RSRP1: variants seen among roughly 807,000 people sequenced by gnomAD.
RSRP1 encodes arginine and serine rich protein 1.
Under a neutral mutation model 33.0 loss-of-function variants are expected in RSRP1, and 37 were observed. That is an observed-to-expected ratio of 1.12 (90% CI 0.86 to 1.48). RSRP1 has a LOEUF of 1.48. RSRP1 is among the 40% of genes most tolerant of loss of function. The pLI, the probability that RSRP1 is intolerant of heterozygous loss-of-function variation, is 0.00. For synonymous variants in RSRP1, 167 were observed against 158.7 expected, an observed-to-expected ratio of 1.05 and a Z score of -0.40; for missense variants, 402 against 385.3, an observed-to-expected ratio of 1.04 and a Z score of -0.36.
chr1:25,260,829 G>A (rs1440366382), intron 1 of RSRP1, among the ~76,000 whole-genome samples: 7 of 147,412 alleles, frequency 4.7e-5, no homozygotes, highest in African/African-American at 1.8e-4. Flanking sequence ...ACAGAGTCTC[G>A]CTCTATCGCC....
At chr1:25,260,496 A>T (rs1217302100) in intron 1 of RSRP1, among the ~76,000 whole-genome samples, 4 of 152,154 alleles carry the variant, frequency 2.6e-5, no homozygotes, top group African/African-American at 9.7e-5. Context: ...AACACAGGGG[A>T]AGGAGGCTGT....
At chr1:25,252,771 G>A (rs1473353096) in intron 1 of RSRP1, among the ~76,000 whole-genome samples, 1 of 152,026 alleles carries the variant, frequency 6.6e-6, no homozygotes, top group African/African-American at 2.4e-5. Flanking sequence ...CTGACCTCAG[G>A]TGATCCGCCC....
rs368373936 is a variant in RSRP1 at position 25,333,615 on chromosome 1, T to C, written c.-67+4363A>G. On this transcript the variant is annotated intron_variant, in intron 1 of 1. Coordinates refer to the RSRP1 transcript ENST00000561867. ...GCTAGAGCATGAGGATCTCGTAGGA[T>C]TTTATTCTGCAAGGTGAAAAGCCAT... Among the ~76,000 whole-genome samples the C allele has an allele frequency of 9.1e-5, 12 of 131,268 alleles. 2 individuals are homozygous for C. Among genetic ancestry groups the C allele is most frequent in the South Asian group, 2.3e-4 (1 of 4,326 alleles). 86.1% of individuals were successfully genotyped at this position (131,268 alleles called of 152,430 possible). A position where few individuals can be genotyped will look rare whatever the true frequency, so the allele number is the denominator to read the frequency against.
At chr1:25,260,189 T>C (rs1640087389) in intron 1 of RSRP1, among the ~76,000 whole-genome samples, 1 of 152,226 alleles carries the variant, frequency 6.6e-6, no homozygotes, top group Non-Finnish European at 1.5e-5. Context: ...TGGTTGCTAC[T>C]ATGGGGAATC....
Position 25,276,267 on chromosome 1 carries a change from T to C in RSRP1, c.-66-29238A>G, listed in dbSNP as rs1278217300. Among the ~76,000 whole-genome samples the C allele has an allele frequency of 1.3e-4, 17 of 130,352 alleles. 2 individuals are homozygous for C. Among genetic ancestry groups the C allele is most frequent in the African/African-American group, 4.5e-4 (17 of 38,014 alleles). The allele number at this position is 130,352 out of a possible 152,430, so 85.5% of individuals were successfully genotyped here. A position where few individuals can be genotyped will look rare whatever the true frequency, so the allele number is the denominator to read the frequency against. On this transcript the variant is annotated intron_variant, in intron 1 of 1. Transcript: ENST00000561867. ...TGGCATGATATCTGGGGTTTGCTTT[T>C]ATGCCAGAAAAAAGAAAAAGTACAG...
intron 1 of RSRP1, among the ~76,000 whole-genome samples, chr1:25,315,596 AC>A (rs1644398376): frequency 8.1e-6 from 1 of 123,112 alleles, no homozygotes; most frequent in Non-Finnish European, 1.9e-5. Context: ...TCCCAGGTTC[AC>A]GCCGTTCTCC....
chr1:25,301,704 C>T, intron 1 of RSRP1: 1 of 1,374,732 alleles, frequency 7.3e-7, no homozygotes, highest in Non-Finnish European at 1.0e-6. Context: ...GGGCGCTGCC[C>T]TTGGGCAGCA....
intron 1 of RSRP1, chr1:25,303,487 T>C: frequency 7.3e-7 from 1 of 1,378,112 alleles, no homozygotes; most frequent in Non-Finnish European, 1.0e-6. Flanking sequence ...TAACCTCCTC[T>C]GCTTTGGCTG....
In RSRP1 at chr1:25,262,191, T is replaced by A. The variant is rs2011835; in HGVS notation, c.-66-15162A>T. Among the ~76,000 whole-genome samples, 706 of 152,300 alleles carry A rather than the reference T, an allele frequency of 4.6e-3. 2 individuals carry two copies. The highest frequency in any genetic ancestry group is 0.016 in the African/African-American group (665 of 41,548). On this transcript the variant is annotated intron_variant, in intron 1 of 1. Transcript: ENST00000561867. Reference sequence around the variant, plus strand: ...TAGTCTGACTAAACCATTAGAAATTTAAAAAATGGCTACTTTCAAAGACAT... The same window carrying A: ...TAGTCTGACTAAACCATTAGAAATTAAAAAAATGGCTACTTTCAAAGACAT...
At chr1:25,331,968 C>T (rs1317622430) in intron 1 of RSRP1, among the ~76,000 whole-genome samples, 5 of 127,078 alleles carry the variant, frequency 3.9e-5, no homozygotes, top group African/African-American at 1.3e-4. Flanking sequence ...TCTCAATCTC[C>T]TGACCTCGTG....
In RSRP1 at chr1:25,275,830, T is replaced by G. The variant is rs2124589549; in HGVS notation, c.-66-28801A>C. On this transcript the variant is annotated intron_variant, in intron 1 of 1. Transcript: ENST00000561867. ...GATTGACTTGTCAGATCTGATTAGA[T>G]CAACATGTTTTAAATCTCGAATGTG... Among the ~76,000 whole-genome samples the G allele has an allele frequency of 1.5e-5, 2 of 132,478 alleles. 1 individual carries two copies. Among genetic ancestry groups the G allele is most frequent in the South Asian group, 4.6e-4 (2 of 4,322 alleles). 86.9% of individuals were successfully genotyped at this position (132,478 alleles called of 152,430 possible).
chr1:25,324,746 TA>T (rs1303782657), intron 1 of RSRP1, among the ~76,000 whole-genome samples: 1 of 149,376 alleles, frequency 6.7e-6, no homozygotes, highest in Non-Finnish European at 1.5e-5. Context: ...CAGCCCTGCA[TA>T]AAAGTAAGTA....
intron 1 of RSRP1, among the ~76,000 whole-genome samples, chr1:25,279,972 G>C (rs1314532554): frequency 1.5e-5 from 2 of 129,182 alleles, no homozygotes; most frequent in Non-Finnish European, 3.6e-5. Flanking sequence ...TCCAAGCTGG[G>C]ACCCAGCCCT....
At chr1:25,266,403 C>T (rs1404774246) in intron 1 of RSRP1, among the ~76,000 whole-genome samples, 1 of 128,526 alleles carries the variant, frequency 7.8e-6, no homozygotes, top group Non-Finnish European at 1.8e-5. Flanking sequence ...AAGTCACTAA[C>T]GGGAATTTAA....
chr1:25,271,200 G>C lies in RSRP1; in HGVS notation c.-66-24171C>G, dbSNP rs1255650337. On this transcript the variant is annotated intron_variant, in intron 1 of 1. Transcript: ENST00000561867. ...AAGCTGCACTGAGCAAGAAGTGACT[G>C]ATGCCAAGTGACTAGATGACCTTAG... 1.4e-4 allele frequency among the ~76,000 whole-genome samples: 19 copies of C among 132,332 alleles called. 1 individual carries two copies. The highest frequency in any genetic ancestry group is 2.9e-4 in the Non-Finnish European group (16 of 55,858). 86.8% of individuals were successfully genotyped at this position (132,332 alleles called of 152,430 possible).
chr1:25,297,333 GC>G (rs1054685398), intron 1 of RSRP1, among the ~76,000 whole-genome samples: 1 of 97,178 alleles, frequency 1.0e-5, no homozygotes, highest in African/African-American at 3.5e-5. Flanking sequence ...CTATCAATTT[GC>G]CCCATTACTG....
intron 1 of RSRP1, among the ~76,000 whole-genome samples, chr1:25,255,275 T>C (rs1343595784): frequency 6.6e-6 from 1 of 152,198 alleles, no homozygotes; most frequent in African/African-American, 2.4e-5. Flanking sequence ...GTCTACTTTG[T>C]GTCCTGCTCC....
At chr1:25,286,481 C>A (rs1444588076) in intron 1 of RSRP1, among the ~76,000 whole-genome samples, 1 of 133,822 alleles carries the variant, frequency 7.5e-6, no homozygotes, top group African/African-American at 2.6e-5. Flanking sequence ...AGAGTGAGAC[C>A]CTGTCTCAAA....
Position 25,296,472 on chromosome 1 carries a change from T to C in RSRP1, c.-67+41506A>G. The stretch of plus-strand genomic sequence containing the variant: ...ATTGGCCAGGCTGGTCTTGAGCTCC[T>C]GGCCTCAGTTGATCCACCTGTCTCA... On this transcript the variant is annotated intron_variant, in intron 1 of 1. Transcript: ENST00000561867. Among the ~76,000 whole-genome samples, 2 of 120,882 alleles carry C rather than the reference T, an allele frequency of 1.7e-5. 1 individual carries two copies. The highest frequency in any genetic ancestry group is 3.9e-5 in the Non-Finnish European group (2 of 50,788). 79.3% of individuals were successfully genotyped at this position (120,882 alleles called of 152,430 possible). A position where few individuals can be genotyped will look rare whatever the true frequency, so the allele number is the denominator to read the frequency against.
Sources: allele counts gnomAD v4.1 joint callset (sites outside exome capture counted in the v4.1 genomes callset), GRCh38; gene constraint gnomAD v4.1.1; transcripts MANE v1.5; gene names NCBI Gene and HGNC (gene_info 2026-07-23, HGNC 2026-07-21).